The following MROH7 variants were observed in gnomAD, a reference collection of about 807,000 sequenced individuals.
MROH7 encodes the protein maestro heat-like repeat-containing protein family member 7.
MROH7 carries 113 observed loss-of-function variants against 129.2 expected under a neutral mutation model. That is an observed-to-expected ratio of 0.87 (90% CI 0.75 to 1.02). The LOEUF is 1.02. Among genes scored for constraint, MROH7 ranks in the 50% least tolerant of loss-of-function variants. MROH7 has a pLI of 0.00. For synonymous variants in MROH7, 655 were observed against 667.9 expected, an observed-to-expected ratio of 0.98 and a Z score of 0.30; for missense variants, 1,601 against 1,671.3, an observed-to-expected ratio of 0.96 and a Z score of 0.73.
intron 17 of MROH7, 69 bp from the exon 18 acceptor site, chr1:54,700,252 G>A: frequency 6.3e-7 from 1 of 1,599,594 alleles, no homozygotes; most frequent in Admixed American, 1.7e-5. Context: ...TGCAATCCCA[G>A]TGCATGGGAG....
At chr1:54,704,330 G>T (rs1333059524) in intron 21 of MROH7, among the ~76,000 whole-genome samples, 1 of 152,006 alleles carries the variant, frequency 6.6e-6, no homozygotes, top group East Asian at 1.9e-4. Flanking sequence ...ACCCTGGAGA[G>T]CCCAGACCCC....
chr1:54,653,708 A>T lies in MROH7; in HGVS notation c.782A>T (p.Lys261Ile), dbSNP rs767726192. 6.2e-7 allele frequency: 1 copy of T among 1,614,190 alleles called. No homozygotes were observed. Among genetic ancestry groups the T allele is most frequent in the Non-Finnish European group, 8.5e-7 (1 of 1,180,038 alleles). ...ASHNISESVS[K>I]GAFSTTWSTS... The stretch of plus-strand genomic sequence containing the variant: ...CATAATATCTCTGAGTCTGTTTCAA[A>T]AGGAGCCTTTAGTACCACCTGGAGC... The change falls in exon 3 of 24, where the codon AAA becomes ATA. Residue 261 changes from lysine (K) to isoleucine (I), a missense_variant. By Grantham distance (102) the Lys-to-Ile change is moderately radical (BLOSUM62 -3). Coordinates refer to ENST00000421030, the MANE Select transcript of MROH7 (RefSeq NM_001039464.4).
chr1:54,665,186 C>G lies in MROH7; in HGVS notation c.1251C>G (p.Thr417=). ...GIPEGAFDEV[T]SCLVKVPEKT... is the part of the protein sequence containing the mutation. ...CTGCAGGAGCCTTTGATGAAGTGACCTCATGCCTGGTGAAGGTGCCAGAGA... is the reference window on the plus strand; with the variant it reads ...CTGCAGGAGCCTTTGATGAAGTGACGTCATGCCTGGTGAAGGTGCCAGAGA... Residue 417 remains threonine (T), a synonymous_variant, in exon 4 of 24, where the codon ACC becomes ACG. Coordinates refer to ENST00000421030, the MANE Select transcript of MROH7 (RefSeq NM_001039464.4). The G allele has an allele frequency of 1.2e-6, 2 of 1,613,886 alleles. No homozygotes were observed. Among genetic ancestry groups the G allele is most frequent in the Non-Finnish European group, 1.7e-6 (2 of 1,179,906 alleles).
At chr1:54,674,200 C>G in intron 10 of MROH7, 49 bp downstream of exon 10, 1 of 1,585,956 alleles carries the variant, frequency 6.3e-7, no homozygotes, top group Non-Finnish European at 8.6e-7. Context: ...AGTTGTTGCT[C>G]AGTCTGGATT....
At chr1:54,684,008 T>C (rs879062) in intron 14 of MROH7, among the ~76,000 whole-genome samples, 25,348 of 152,280 alleles carry the variant, frequency 0.17, 2,327 homozygotes, top group East Asian at 0.29. Flanking sequence ...TGTCCTGCTG[T>C]GCTCACCATG....
intron 20 of MROH7, 32 bp downstream of exon 20, chr1:54,702,277 C>A: frequency 7.2e-7 from 1 of 1,396,636 alleles, no homozygotes; most frequent in South Asian, 1.6e-5. Flanking sequence ...ACCCTCTACC[C>A]CTCCCTCGGG....
chr1:54,663,690 A>AC (rs1339501138), intron 3 of MROH7: 30 of 395,716 alleles, frequency 7.6e-5, no homozygotes, highest in African/African-American at 6.9e-4. Context: ...AGCTCTAAAA[A>AC]AAAAAAAAAA....
intron 23 of MROH7, 45 bp from the exon 24 acceptor site, chr1:54,709,901 G>A (rs778749229): frequency 2.8e-5 from 45 of 1,590,958 alleles, no homozygotes; most frequent in Non-Finnish European, 3.8e-5. Flanking sequence ...ACCCACATAG[G>A]GCCCTGGGTC....
chr1:54,673,628 G>A (rs1217387479), intron 8 of MROH7, 73 bp from the exon 9 acceptor site: 3 of 1,129,562 alleles, frequency 2.7e-6, no homozygotes, highest in Non-Finnish European at 4.0e-6. Context: ...GATGGGTGAA[G>A]GCTGGCCTGT....
At position 54,695,383 on chromosome 1, in the gene MROH7, G is replaced by A. The variant is rs754568494; in HGVS notation, c.2857G>A (p.Val953Met). 2.5e-6 allele frequency: 4 copies of A among 1,609,912 alleles called. No individual in the cohort carries two copies. In the East Asian group the frequency reaches 8.9e-5, roughly 36 times the overall value. The change falls in exon 17 of 24, where the codon GTG (valine) becomes ATG (methionine). Residue 953 changes from valine (V) to methionine (M), a missense_variant. Physicochemically the swap from Val to Met is conservative, Grantham distance 21. Transcript: ENST00000421030. ...CCCCCTTCCCACCCCCAGGGCCATGGTGCAGTACTCCTGCCAGGAGCTGTG... is the reference window on the plus strand; with the variant it reads ...CCCCCTTCCCACCCCCAGGGCCATGATGCAGTACTCCTGCCAGGAGCTGTG... ...RGVALLARAM[V>M]QYSCQELCRI... is the part of the protein sequence containing the mutation.
At chr1:54,701,763 T>G (rs1645439785) in intron 19 of MROH7, among the ~76,000 whole-genome samples, 1 of 152,110 alleles carries the variant, frequency 6.6e-6, no homozygotes, top group Admixed American at 6.5e-5. Context: ...AGATGGGGTT[T>G]CCCTATGTTG....
At chr1:54,649,158 C>G (rs1195936663) in intron 1 of MROH7, among the ~76,000 whole-genome samples, 1 of 152,214 alleles carries the variant, frequency 6.6e-6, no homozygotes, top group East Asian at 1.9e-4. Context: ...ACTGGACAAT[C>G]TATTGATAGT....
intron 15 of MROH7, 131 bp from the exon 16 acceptor site, chr1:54,692,293 A>G (rs1645252126): frequency 8.6e-7 from 1 of 1,159,716 alleles, no homozygotes; most frequent in Non-Finnish European, 1.2e-6. Flanking sequence ...TTGTGGATAC[A>G]CTGAATACCC....
chr1:54,707,199 C>T (rs2101246963), intron 22 of MROH7, among the ~76,000 whole-genome samples: 2 of 152,288 alleles, frequency 1.3e-5, no homozygotes, highest in African/African-American at 4.8e-5. Context: ...CCCGACAGGA[C>T]CCTTCTGATG....
intron 9 of MROH7, 94 bp from the exon 10 acceptor site, chr1:54,673,922 C>A: frequency 6.5e-7 from 1 of 1,538,522 alleles, no homozygotes; most frequent in Non-Finnish European, 8.9e-7. Flanking sequence ...GAGGGCTGTG[C>A]TATCTGGGCC....
chr1:54,701,406 C>T, intron 19 of MROH7, 84 bp downstream of exon 19: 10 of 1,260,854 alleles, frequency 7.9e-6, no homozygotes, highest in Non-Finnish European at 1.1e-5. Flanking sequence ...CCACCTGTGC[C>T]CCCATCAGGA....
At chr1:54,661,222 C>A (rs1644727585) in intron 3 of MROH7, among the ~76,000 whole-genome samples, 1 of 152,002 alleles carries the variant, frequency 6.6e-6, no homozygotes, top group African/African-American at 2.4e-5. Context: ...TAATTTTAAA[C>A]TTTTTAAAGA....
At position 54,702,061 on chromosome 1, in the gene MROH7, A is replaced by AC. The variant is rs1230813053; in HGVS notation, c.3286-24dup. 7 of 1,531,320 alleles carry AC rather than the reference A, an allele frequency of 4.6e-6. No individual in the cohort carries two copies. The East Asian group carries it at 7.3e-5, about 16-fold the overall frequency. The allele number at this position is 1,531,320 out of a possible 1,614,324, so 94.9% of individuals were successfully genotyped here. The stretch of plus-strand genomic sequence containing the variant: ...CAGTGAGTGGCGTCCCAGAGGAGGG[A>AC]CCCCCTCTGAGCCTTTGGTCTTCCC... On this transcript the variant is annotated intron_variant, in intron 19 of 23. Coordinates refer to ENST00000421030, the MANE Select transcript of MROH7 (RefSeq NM_001039464.4).
chr1:54,692,368 G>A, intron 15 of MROH7, 56 bp from the exon 16 acceptor site: 2 of 1,601,332 alleles, frequency 1.2e-6, no homozygotes, highest in Non-Finnish European at 1.7e-6. Context: ...GTGGAGGGAG[G>A]CTTGGCCTGC....
Sources: gnomAD v4.1 joint callset for allele counts (sites outside exome capture counted in the v4.1 genomes callset) on GRCh38, gnomAD v4.1.1 for gene constraint, MANE v1.5 for transcripts, NCBI Gene and HGNC (gene_info 2026-07-23, HGNC 2026-07-21) for gene names.